The following TTC13 variants were observed in gnomAD, a reference collection of about 807,000 sequenced individuals.
TTC13 encodes the protein tetratricopeptide repeat domain 13, also known as tetratricopeptide repeat protein 13.
Under a neutral mutation model 120.0 loss-of-function variants are expected in TTC13, and 62 were observed. The observed-to-expected ratio is 0.52, with a 90% confidence interval of 0.42 to 0.64. TTC13 has a LOEUF of 0.64. TTC13 is among the 30% of genes least tolerant of loss of function. The pLI, the probability that TTC13 is intolerant of heterozygous loss-of-function variation, is 0.00. For synonymous variants in TTC13, 384 were observed against 393.5 expected, an observed-to-expected ratio of 0.98 and a Z score of 0.28; for missense variants, 824 against 1,050.2, an observed-to-expected ratio of 0.78 and a Z score of 2.98.
chr1:230,962,736 A>G (rs1676759181), intron 1 of TTC13, among the ~76,000 whole-genome samples: 1 of 152,230 alleles, frequency 6.6e-6, no homozygotes. Flanking sequence ...GTGTATACAG[A>G]GTAGAATACT....
intron 1 of TTC13, among the ~76,000 whole-genome samples, chr1:230,971,396 T>C (rs943439868): frequency 6.7e-6 from 1 of 150,038 alleles, no homozygotes; most frequent in African/African-American, 2.4e-5. Flanking sequence ...ATATACTGCA[T>C]TGCTCAATGG....
intron 20 of TTC13, among the ~76,000 whole-genome samples, chr1:230,910,411 C>T (rs541899648): frequency 6.6e-6 from 1 of 152,216 alleles, no homozygotes; most frequent in Non-Finnish European, 1.5e-5. Context: ...GGCTTAAACC[C>T]ATGGTTTTCA....
At position 230,929,051 on chromosome 1, in the gene TTC13, G is replaced by A. The variant is rs139166694; in HGVS notation, c.1343C>T (p.Thr448Met). The change falls in exon 12 of 23, where the codon ACG (threonine) becomes ATG (methionine). Residue 448 changes from threonine (T) to methionine (M), a missense_variant. By Grantham distance (81) the Thr-to-Met change is moderately conservative (BLOSUM62 -1). This residue lies in a region of TTC13 where 430 missense variants were observed against 626.8 expected (regional missense o/e 0.69). Coordinates refer to ENST00000366661, the MANE Select transcript of TTC13 (RefSeq NM_024525.5). The stretch of plus-strand genomic sequence containing the variant: ...CAGATCCACATCAATGTTATATTCC[G>A]TAAGGGGGGTATCAAGGTGTGCATG... ...YLHAHLDTPL[T>M]EYNIDVDLPG... 4.8e-5 allele frequency: 77 copies of A among 1,614,110 alleles called. No individual in the cohort carries two copies. Among genetic ancestry groups the A allele is most frequent in the South Asian group, 3.2e-4 (29 of 91,068 alleles).
At chr1:230,935,432 C>T (rs1673951610) in intron 8 of TTC13, among the ~76,000 whole-genome samples, 1 of 152,180 alleles carries the variant, frequency 6.6e-6, no homozygotes, top group Non-Finnish European at 1.5e-5. Flanking sequence ...GGTAAGAGAA[C>T]AGGCTTCAGG....
chr1:230,963,247 A>G (rs932140666), intron 1 of TTC13, among the ~76,000 whole-genome samples: 21 of 152,226 alleles, frequency 1.4e-4, no homozygotes, highest in African/African-American at 5.1e-4. Context: ...TATCTTAACA[A>G]TAAGAAACAA....
chr1:230,931,383 T>C lies in TTC13; in HGVS notation c.1215A>G (p.Ile405Met). 1 of 1,614,262 alleles carries C rather than the reference T, an allele frequency of 6.2e-7. No individual in the cohort carries two copies. The highest frequency in any genetic ancestry group is 8.5e-7 in the Non-Finnish European group (1 of 1,180,054). The change falls in exon 11 of 23, where the codon ATA becomes ATG. Residue 405 changes from isoleucine (I) to methionine (M), a missense_variant. Ile to Met is a conservative substitution (Grantham distance 10). This residue lies in a region of TTC13 where 430 missense variants were observed against 626.8 expected (regional missense o/e 0.69). Coordinates refer to ENST00000366661, the MANE Select transcript of TTC13 (RefSeq NM_024525.5). ...TCAGCATAACTTTTGTTTGTGCTTT[T>C]ATCCCTTCATAAAACTGTCCCATGG... is the stretch of plus-strand genomic sequence containing the variant. ...HVAMGQFYEG[I>M]KAQTKVMLND...
At chr1:230,907,765 C>T (rs1671072909) in intron 22 of TTC13, among the ~76,000 whole-genome samples, 2 of 152,076 alleles carry the variant, frequency 1.3e-5, no homozygotes, top group South Asian at 2.1e-4. Flanking sequence ...GTCAAATAGA[C>T]GTGAAAGGCA....
Position 230,978,761 on chromosome 1 carries a change from G to A in TTC13, c.70C>T (p.Arg24Trp), listed in dbSNP as rs1161105546. ...GGAVAAAGAA[R>W]RVLLLLLLGV... is the part of the protein sequence containing the mutation. ...AGCAGCAGCAGCAGCAGGACACGCC[G>A]GGCGGCGCCCGCGGCGGCCACAGCG... The change falls in exon 1 of 23, where the codon CGG (arginine) becomes TGG (tryptophan). Residue 24 changes from arginine to tryptophan, a missense_variant. Transcript: ENST00000366661. This position sits in a 1 kb window ranked among gnomAD's most constrained non-coding sequence, Gnocchi z 5.6. The A allele has an allele frequency of 2.7e-6, 4 of 1,499,404 alleles. No homozygotes were observed. Among genetic ancestry groups the A allele is most frequent in the Admixed American group, 2.2e-5 (1 of 45,052 alleles). The allele number at this position is 1,499,404 out of a possible 1,614,324, so 92.9% of individuals were successfully genotyped here.
chr1:230,955,924 A>G (rs1360292445), intron 3 of TTC13, among the ~76,000 whole-genome samples: 1 of 152,198 alleles, frequency 6.6e-6, no homozygotes, highest in Non-Finnish European at 1.5e-5. Flanking sequence ...CCTCCAGGTA[A>G]CGAGAGGATA....
At chr1:230,961,986 G>A (rs527585351) in intron 1 of TTC13, among the ~76,000 whole-genome samples, 5 of 152,156 alleles carry the variant, frequency 3.3e-5, no homozygotes, top group East Asian at 3.9e-4. Flanking sequence ...CAAGGTGGGC[G>A]GATCACCTAA....
intron 20 of TTC13, among the ~76,000 whole-genome samples, chr1:230,910,269 G>A (rs1671370322): frequency 6.6e-6 from 1 of 152,204 alleles, no homozygotes; most frequent in South Asian, 2.1e-4. Context: ...GAGAAGGCAG[G>A]GAGATGTGGC....
intron 20 of TTC13, 136 bp downstream of exon 20, chr1:230,911,334 G>T (rs1241067726): frequency 3.7e-6 from 2 of 543,748 alleles, no homozygotes; most frequent in African/African-American, 2.0e-5. Context: ...ATTTTTTTGT[G>T]CAGATTTTGG....
intron 17 of TTC13, among the ~76,000 whole-genome samples, chr1:230,919,524 A>G (rs1672373422): frequency 6.6e-6 from 1 of 152,246 alleles, no homozygotes; most frequent in Admixed American, 6.5e-5. Context: ...TGAGGGGAAC[A>G]CATTCAAACG....
intron 18 of TTC13, among the ~76,000 whole-genome samples, chr1:230,915,238 C>A (rs1671899512): frequency 6.6e-6 from 1 of 152,108 alleles, no homozygotes; most frequent in South Asian, 2.1e-4. Flanking sequence ...AAAGCCAGAG[C>A]CCAAGAGGCA....
At chr1:230,928,715 TTTTTG>T (rs773663595) in intron 12 of TTC13, among the ~76,000 whole-genome samples, 4 of 152,158 alleles carry the variant, frequency 2.6e-5, no homozygotes, top group Non-Finnish European at 4.4e-5. Context: ...CTATAGGTGT[TTTTTG>T]TTTTGTTTTG....
chr1:230,906,993 G>T lies in TTC13; in HGVS notation c.2495C>A (p.Pro832Gln). ...CGTTGGAAACGTTTCTGATACTGAT[G>T]GAAGAGTCTTATAAGAAGGTGAAAT... is the stretch of plus-strand genomic sequence containing the variant. ...KSISPSYKTLPSVSETFPTLR... is the reference protein window; with the variant it reads ...KSISPSYKTLQSVSETFPTLR... The change falls in exon 23 of 23, where the codon CCA becomes CAA. Residue 832 changes from proline (P) to glutamine (Q), a missense_variant. Physicochemically the swap from Pro to Gln is moderately conservative, Grantham distance 76. Coordinates refer to ENST00000366661, the MANE Select transcript of TTC13 (RefSeq NM_024525.5). 1 of 1,529,606 alleles carries T rather than the reference G, an allele frequency of 6.5e-7. No homozygotes were observed. Among genetic ancestry groups the T allele is most frequent in the South Asian group, 1.3e-5 (1 of 79,628 alleles). The allele number at this position is 1,529,606 out of a possible 1,614,324, so 94.8% of individuals were successfully genotyped here. A position where few individuals can be genotyped will look rare whatever the true frequency, so the allele number is the denominator to read the frequency against.
Position 230,921,488 on chromosome 1 carries a change from T to C in TTC13, c.1831A>G (p.Met611Val). 1.3e-6 allele frequency: 2 copies of C among 1,545,388 alleles called. No individual in the cohort carries two copies. Among genetic ancestry groups the C allele is most frequent in the East Asian group, 4.7e-5 (2 of 42,222 alleles). Residue 611 changes from methionine (M) to valine (V), a missense_variant, in exon 16 of 23, where the codon ATG (methionine) becomes GTG (valine). Met to Val is a conservative substitution (Grantham distance 21). Around this residue, in one of 4 missense-constraint regions of TTC13, gnomAD observed 430 missense variants for 626.8 expected, o/e 0.69. Coordinates refer to ENST00000366661, the MANE Select transcript of TTC13 (RefSeq NM_024525.5). ...TTCTCAAAATATTCTAGGTATCTCA[T>C]GTTGATCACCTGACCCCTATAAGGC... Reference protein sequence around the residue: ...INLIRGQVINMRYLEYFEKIL... With the variant: ...INLIRGQVINVRYLEYFEKIL...
At chr1:230,962,037 C>A (rs1011242716) in intron 1 of TTC13, among the ~76,000 whole-genome samples, 1 of 151,758 alleles carries the variant, frequency 6.6e-6, no homozygotes, top group Admixed American at 6.6e-5. Context: ...ATGGCAAAAC[C>A]CTGTGTCTAC....
Position 230,931,405 on chromosome 1 carries a change from A to C in TTC13, c.1193T>G (p.Met398Arg), listed in dbSNP as rs775709619. The C allele has an allele frequency of 3.7e-6, 6 of 1,614,248 alleles. No homozygotes were observed. In the East Asian group the frequency reaches 1.3e-4, roughly 36 times the overall value. ...QYMKGLSHVA[M>R]GQFYEGIKAQ... ...TTTTATCCCTTCATAAAACTGTCCC[A>C]TGGCAACATGGCTGAGCCCTTTCAT... The change falls in exon 11 of 23, where the codon ATG (methionine) becomes AGG (arginine). Residue 398 changes from methionine to arginine, a missense_variant. By Grantham distance (91) the Met-to-Arg change is moderately conservative. This residue lies in a region of TTC13 where 430 missense variants were observed against 626.8 expected (regional missense o/e 0.69). Coordinates refer to ENST00000366661, the MANE Select transcript of TTC13 (RefSeq NM_024525.5).
Sources: allele counts gnomAD v4.1 joint callset (sites outside exome capture counted in the v4.1 genomes callset), GRCh38; gene constraint gnomAD v4.1.1; regional missense constraint gnomAD v4.1.1; non-coding constraint Gnocchi (gnomAD v3.1); transcripts MANE v1.5; gene names NCBI Gene and HGNC (gene_info 2026-07-23, HGNC 2026-07-21).